The following OTOG variants were observed in gnomAD, a reference collection of about 807,000 sequenced individuals.
OTOG encodes otogelin.
A neutral mutation model predicts 313.8 loss-of-function variants in OTOG; 296 were observed. The observed-to-expected ratio is 0.94, with a 90% CI of 0.86 to 1.04. The LOEUF is 1.04. Among genes scored for constraint, OTOG ranks in the 50% least tolerant of loss-of-function variants. The pLI, the probability that OTOG is intolerant of heterozygous loss-of-function variation, is 0.00. For missense variants in OTOG, 3,948 were observed against 3,840.1 expected (o/e 1.03, Z -0.74); for synonymous variants, 1,533 against 1,554.9 (o/e 0.99, Z 0.33).
chr11:17,602,916 G>A (rs1259615725), intron 32 of OTOG, among the ~76,000 whole-genome samples: 1 of 152,210 alleles, frequency 6.6e-6, no homozygotes, highest in Non-Finnish European at 1.5e-5. Context: ...CACGGGGGAG[G>A]GGGCCCCCAA....
rs566582964 is a variant in OTOG, at chr11:17,554,833, C to T, written c.541-946C>T. On this transcript the variant is annotated intron_variant, in intron 6 of 55. Coordinates refer to ENST00000399397, the MANE Select transcript of OTOG (RefSeq NM_001292063.2). ...CTCGTGGGTTACAAAATCAACTTAA[C>T]GAATCACAACCATCATTAAAAAATG... 1.0e-3 allele frequency among the ~76,000 whole-genome samples: 153 copies of T among 152,178 alleles called. 1 individual carries two copies. Among genetic ancestry groups the T allele is most frequent in the African/African-American group, 3.6e-3 (150 of 41,518 alleles).
At chr11:17,613,374 C>CTCCTTCCTTCCT (rs1424666315) in intron 38 of OTOG, among the ~76,000 whole-genome samples, 5 of 74,718 alleles carry the variant, frequency 6.7e-5, no homozygotes, top group African/African-American at 2.1e-4. Context: ...CCTTCCTTCC[C>CTCCTTCCTTCCT]TCCTTCCTTC....
At position 17,632,076 on chromosome 11, in the gene OTOG, G is replaced by A. The variant is rs1330702001; in HGVS notation, c.6934-12G>A. On this transcript the variant is annotated splice_polypyrimidine_tract_variant and intron_variant, in intron 41 of 55. Coordinates refer to ENST00000399397, the MANE Select transcript of OTOG (RefSeq NM_001292063.2). ...ATCCGAGTAACCAGCACTGCCTGAT[G>A]CATATGTCCAGGTGCCTCCGGAGTC... The A allele has an allele frequency of 1.9e-6, 3 of 1,550,404 alleles. No individual in the cohort carries two copies. The highest frequency in any genetic ancestry group is 2.4e-5 in the East Asian group (1 of 40,908).
rs776040701 is a variant in OTOG at position 17,610,507 on chromosome 11, C to T, written c.5207C>T (p.Ser1736Leu). The change falls in exon 36 of 56, where the codon TCG becomes TTG. Residue 1736 changes from serine to leucine, a missense_variant. By Grantham distance (145) the Ser-to-Leu change is moderately radical (BLOSUM62 -2). Transcript: ENST00000399397. ...GEAGHSQPMG[S>L]PASPQPHPLP... ...GCCGGGCACAGCCAGCCCATGGGCTCGCCTGCCTCCCCACAGCCACACCCA... is the reference window on the plus strand; with the variant it reads ...GCCGGGCACAGCCAGCCCATGGGCTTGCCTGCCTCCCCACAGCCACACCCA... 31 of 1,550,460 alleles carry T rather than the reference C, an allele frequency of 2.0e-5. No individual in the cohort carries two copies. Among genetic ancestry groups the T allele is most frequent in the South Asian group, 5.9e-5 (5 of 84,058 alleles).
At chr11:17,622,550 C>T (rs1394662744) in intron 39 of OTOG, among the ~76,000 whole-genome samples, 1 of 152,144 alleles carries the variant, frequency 6.6e-6, no homozygotes, top group African/African-American at 2.4e-5. Context: ...TCCCCTGTGT[C>T]CGTGAGTTCA....
In OTOG at chr11:17,611,306, G is replaced by T; in HGVS notation, c.6006G>T (p.Pro2002=). 1 of 1,550,520 alleles carries T rather than the reference G, an allele frequency of 6.4e-7. No homozygotes were observed. Among genetic ancestry groups the T allele is most frequent in the Non-Finnish European group, 8.7e-7 (1 of 1,146,962 alleles). ...CAGGGCCTCACCTGGCAGCAGAGCCGGTGGACGAGGCCACCACAGAACCAT... is the reference window on the plus strand; with the variant it reads ...CAGGGCCTCACCTGGCAGCAGAGCCTGTGGACGAGGCCACCACAGAACCAT... ...TSAGPHLAAE[P]VDEATTEPSG... Residue 2002 remains proline (P), a synonymous_variant, in exon 36 of 56, where the codon CCG becomes CCT. Coordinates refer to ENST00000399397, the MANE Select transcript of OTOG (RefSeq NM_001292063.2).
intron 24 of OTOG, among the ~76,000 whole-genome samples, chr11:17,588,810 T>C (rs1009968369): frequency 2.6e-5 from 4 of 152,102 alleles, no homozygotes; most frequent in Admixed American, 6.5e-5. Flanking sequence ...CTTGTAGATC[T>C]TGCCGTTCCC....
intron 31 of OTOG, among the ~76,000 whole-genome samples, chr11:17,600,199 G>A (rs1305529449): frequency 2.0e-5 from 3 of 152,182 alleles, no homozygotes; most frequent in Non-Finnish European, 2.9e-5. Context: ...TTAGATTAAC[G>A]AGGGTGAAAA....
chr11:17,611,697 G>A (rs904022698), intron 36 of OTOG, among the ~76,000 whole-genome samples: 4 of 152,186 alleles, frequency 2.6e-5, no homozygotes, highest in Non-Finnish European at 5.9e-5. Context: ...TGCTGTGTGT[G>A]TTTGTGTTCA....
Position 17,561,784 on chromosome 11 carries a change from T to A in OTOG, c.1621T>A (p.Leu541Met), listed in dbSNP as rs1252612628. The A allele has an allele frequency of 3.9e-6, 6 of 1,550,444 alleles. No individual in the cohort carries two copies. Among genetic ancestry groups the A allele is most frequent in the South Asian group, 1.2e-5 (1 of 84,042 alleles). ...CTCTTCGGGCACCTTCACCGTGACA[T>A]TGCAGAATGCCCCATGTGGCCTGGT... ...SRSSGTFTVT[L>M]QNAPCGLNQD... Residue 541 changes from leucine to methionine, a missense_variant, in exon 15 of 56, where the codon TTG (leucine) becomes ATG (methionine). Transcript: ENST00000399397.
At chr11:17,567,857 G>C (rs931951133) in intron 15 of OTOG, among the ~76,000 whole-genome samples, 2 of 152,004 alleles carry the variant, frequency 1.3e-5, no homozygotes, top group Non-Finnish European at 2.9e-5. Context: ...TGTGTGCCTT[G>C]GTTTTCTAAT....
intron 32 of OTOG, among the ~76,000 whole-genome samples, chr11:17,604,847 C>T (rs1239484031): frequency 1.3e-5 from 2 of 152,240 alleles, no homozygotes; most frequent in African/African-American, 2.4e-5. Flanking sequence ...GTGCCTGGCA[C>T]GTAGCGAGTC....
intron 51 of OTOG, among the ~76,000 whole-genome samples, chr11:17,641,554 A>G (rs1200065052): frequency 6.6e-6 from 1 of 152,214 alleles, no homozygotes; most frequent in Non-Finnish European, 1.5e-5. Flanking sequence ...TCATTTGTCA[A>G]AAGTCCTACA....
intron 3 of OTOG, among the ~76,000 whole-genome samples, chr11:17,551,061 G>C (rs1016346708): frequency 6.6e-6 from 1 of 150,538 alleles, no homozygotes; most frequent in East Asian, 1.9e-4. Context: ...TGCAGTTTGT[G>C]GCTTGTTGGC....
In OTOG at chr11:17,610,028, A is replaced by T. The variant is rs1424354996; in HGVS notation, c.4728A>T (p.Thr1576=). 1 of 1,548,660 alleles carries T rather than the reference A, an allele frequency of 6.5e-7. No individual in the cohort carries two copies. Among genetic ancestry groups the T allele is most frequent in the Middle Eastern group, 1.7e-4 (1 of 5,984 alleles). ...ESSSLPVALQ[T]PTPGMVSGAM... ...CATCCCTCCCTGTTGCACTGCAGAC[A>T]CCCACACCTGGCATGGTGTCAGGTG... is the stretch of plus-strand genomic sequence containing the variant. The change falls in exon 36 of 56, where the codon ACA becomes ACT. Residue 1576 remains threonine (T), a synonymous_variant. Transcript: ENST00000399397.
In OTOG at chr11:17,645,895, T is replaced by G; in HGVS notation, c.8693T>G (p.Val2898Gly). The G allele has an allele frequency of 6.4e-7, 1 of 1,550,476 alleles. No individual in the cohort carries two copies. The highest frequency in any genetic ancestry group is 8.7e-7 in the Non-Finnish European group (1 of 1,147,000). Residue 2898 changes from valine to glycine, a missense_variant, in exon 56 of 56, where the codon GTG becomes GGG. Coordinates refer to ENST00000399397, the MANE Select transcript of OTOG (RefSeq NM_001292063.2). ...QLFCATNATW[V>G]PYTVQEPTDC... is the part of the protein sequence containing the mutation. ...TTCTGTGCCACCAATGCCACCTGGGTGCCCTATACAGTGCAGGAGCCCACC... is the reference window on the plus strand; with the variant it reads ...TTCTGTGCCACCAATGCCACCTGGGGGCCCTATACAGTGCAGGAGCCCACC...
Position 17,635,715 on chromosome 11 carries a change from A to T in OTOG, c.7795+4A>T. The T allele has an allele frequency of 6.5e-7, 1 of 1,549,588 alleles. No individual in the cohort carries two copies. Among genetic ancestry groups the T allele is most frequent in the South Asian group, 1.2e-5 (1 of 84,044 alleles). ...TGCTGCCCTCTGTACCAGTGTGGTG[A>T]GTCCTGGCTGGGCACATGGCGGGCT... is the stretch of plus-strand genomic sequence containing the variant. On this transcript the variant is annotated splice_donor_region_variant and intron_variant, in intron 47 of 55. Coordinates refer to ENST00000399397, the MANE Select transcript of OTOG (RefSeq NM_001292063.2).
chr11:17,603,758 A>G (rs1240346317), intron 32 of OTOG, among the ~76,000 whole-genome samples: 1 of 152,184 alleles, frequency 6.6e-6, no homozygotes, highest in Non-Finnish European at 1.5e-5. Flanking sequence ...TATGCGAAGA[A>G]GTGGAGAGCA....
Position 17,633,760 on chromosome 11 carries a change from C to G in OTOG, c.7153C>G (p.Leu2385Val), listed in dbSNP as rs917196850. The change falls in exon 43 of 56, where the codon CTA becomes GTA. Residue 2385 changes from leucine to valine, a missense_variant. Transcript: ENST00000399397. Reference protein sequence around the residue: ...EPPKTCQDGILGPLDPEHCQV... With the variant: ...EPPKTCQDGIVGPLDPEHCQV... Reference sequence around the variant, plus strand: ...ACCCAAGACATGCCAGGATGGGATACTAGGGCCTCTGGACCCAGAGCACTG... The same window carrying G: ...ACCCAAGACATGCCAGGATGGGATAGTAGGGCCTCTGGACCCAGAGCACTG... The G allele has an allele frequency of 1.2e-5, 19 of 1,550,422 alleles. No individual in the cohort carries two copies. Among genetic ancestry groups the G allele is most frequent in the South Asian group, 1.2e-5 (1 of 84,054 alleles).
Sources: gnomAD v4.1 joint callset for allele counts (sites outside exome capture counted in the v4.1 genomes callset) on GRCh38, gnomAD v4.1.1 for gene constraint, MANE v1.5 for transcripts, NCBI Gene and HGNC (gene_info 2026-07-23, HGNC 2026-07-21) for gene names.